The following MGAT4C variants were observed in gnomAD, a reference collection of about 807,000 sequenced individuals.
MGAT4C encodes the protein MGAT4 family member C, also known as alpha-1,3-mannosyl-glycoprotein 4-beta-N-acetylglucosaminyltransferase C.
Under a neutral mutation model 40.1 loss-of-function variants are expected in MGAT4C, and 19 were observed. The observed-to-expected ratio is 0.47, with a 90% CI of 0.33 to 0.70. The LOEUF is 0.70. Among genes scored for constraint, MGAT4C ranks in the 30% least tolerant of loss-of-function variants. The pLI is 0.02. For synonymous variants in MGAT4C, 181 were observed against 187.1 expected, an observed-to-expected ratio of 0.97 and a Z score of 0.27; for missense variants, 491 against 563.2, an observed-to-expected ratio of 0.87 and a Z score of 1.30.
intron 2 of MGAT4C, chr12:86,016,483 C>T (rs1334436420): frequency 6.6e-6 from 1 of 152,218 alleles, no homozygotes; most frequent in African/African-American, 2.4e-5. Flanking sequence ...GTTATCATCC[C>T]TGTGCCTGAA....
At chr12:86,790,571 G>C (rs1466884504) in intron 1 of MGAT4C, among the ~76,000 whole-genome samples, 1 of 152,000 alleles carries the variant, frequency 6.6e-6, no homozygotes, top group Non-Finnish European at 1.5e-5. Context: ...CACATATCTG[G>C]AACCAATCCT....
At chr12:86,411,390 C>A (rs1956602121) in intron 3 of MGAT4C, among the ~76,000 whole-genome samples, 1 of 152,132 alleles carries the variant, frequency 6.6e-6, no homozygotes, top group African/African-American at 2.4e-5. Context: ...AAATGAGAAA[C>A]TTATTGAAAA....
At chr12:86,328,564 A>G (rs1954580274) in intron 4 of MGAT4C, among the ~76,000 whole-genome samples, 1 of 152,172 alleles carries the variant, frequency 6.6e-6, no homozygotes, top group South Asian at 2.1e-4. Flanking sequence ...TACCATTTAT[A>G]ATAGCACCAA....
Position 85,976,669 on chromosome 12 carries a change from A to T in MGAT4C, c.*2620T>A, listed in dbSNP as rs1884009619. The T allele has an allele frequency of 6.8e-6, 1 of 146,596 alleles. No individual in the cohort carries two copies. The highest frequency in any genetic ancestry group is 1.5e-5 in the Non-Finnish European group (1 of 66,280). The allele number at this position is 146,596 out of a possible 1,614,324, so 9.1% of individuals were successfully genotyped here. A position where few individuals can be genotyped will look rare whatever the true frequency, so the allele number is the denominator to read the frequency against. On this transcript the variant is annotated 3_prime_UTR_variant, in exon 5 of 5. Transcript: ENST00000611864. Reference sequence around the variant, plus strand: ...AAATTATATATATATGTATATATATATTATATATATGTATATATGTATTAT... The same window carrying T: ...AAATTATATATATATGTATATATATTTTATATATATGTATATATGTATTAT...
At chr12:86,243,314 G>A (rs1031527831) in intron 1 of MGAT4C, among the ~76,000 whole-genome samples, 1 of 152,198 alleles carries the variant, frequency 6.6e-6, no homozygotes, top group African/African-American at 2.4e-5. Context: ...TGATTTGGCA[G>A]TGGCAGCTGA....
At chr12:86,103,589 A>C (rs556528361) in intron 1 of MGAT4C, among the ~76,000 whole-genome samples, 1 of 152,234 alleles carries the variant, frequency 6.6e-6, no homozygotes, top group African/African-American at 2.4e-5. Context: ...GTTTGTACCA[A>C]TTTGTTATGG....
intron 3 of MGAT4C, among the ~76,000 whole-genome samples, chr12:86,362,032 C>T (rs1437592107): frequency 2.0e-5 from 3 of 152,202 alleles, no homozygotes; most frequent in African/African-American, 7.2e-5. Context: ...AAGACACATG[C>T]ACACGTATAT....
intron 1 of MGAT4C, among the ~76,000 whole-genome samples, chr12:86,811,696 T>C (rs557815874): frequency 1.3e-5 from 2 of 151,666 alleles, no homozygotes; most frequent in South Asian, 2.1e-4. Flanking sequence ...ATTTCATTTC[T>C]CATATTGACA....
chr12:86,486,838 G>A (rs534559054), intron 2 of MGAT4C, among the ~76,000 whole-genome samples: 4 of 152,196 alleles, frequency 2.6e-5, no homozygotes, highest in South Asian at 4.1e-4. Context: ...GTGTTTTAAC[G>A]TCAGTCTGTT....
intron 2 of MGAT4C, among the ~76,000 whole-genome samples, chr12:86,693,340 T>C (rs1374465232): frequency 6.6e-6 from 1 of 152,214 alleles, no homozygotes; most frequent in Non-Finnish European, 1.5e-5. Flanking sequence ...TTATTTTTTC[T>C]CTAATAATAT....
intron 4 of MGAT4C, among the ~76,000 whole-genome samples, chr12:86,314,841 C>T (rs1363889675): frequency 3.9e-5 from 6 of 152,058 alleles, no homozygotes; most frequent in Non-Finnish European, 5.9e-5. Context: ...TGAAAGAAAT[C>T]ACAGGTTGCT....
chr12:86,602,151 T>G (rs1220355356), intron 2 of MGAT4C, among the ~76,000 whole-genome samples: 2 of 152,278 alleles, frequency 1.3e-5, no homozygotes, highest in African/African-American at 4.8e-5. Flanking sequence ...TCTCCCTTGC[T>G]GTTCCTCGCC....
chr12:86,429,554 C>G (rs1344641290), intron 3 of MGAT4C, among the ~76,000 whole-genome samples: 1 of 152,030 alleles, frequency 6.6e-6, no homozygotes, highest in Non-Finnish European at 1.5e-5. Context: ...TTATGGTTGT[C>G]ACGTTTTTTG....
At chr12:86,506,676 A>G (rs765727429) in intron 2 of MGAT4C, among the ~76,000 whole-genome samples, 7 of 152,174 alleles carry the variant, frequency 4.6e-5, no homozygotes, top group Non-Finnish European at 7.4e-5. Flanking sequence ...CAATAGCTTA[A>G]CCACATAGAT....
At chr12:86,356,625 A>C (rs1299813925) in intron 3 of MGAT4C, among the ~76,000 whole-genome samples, 2 of 152,142 alleles carry the variant, frequency 1.3e-5, no homozygotes, top group Admixed American at 1.3e-4. Flanking sequence ...CCCCACCCTA[A>C]TACTGGGCTT....
chr12:86,110,044 T>G (rs1763781652), intron 1 of MGAT4C, among the ~76,000 whole-genome samples: 1 of 150,900 alleles, frequency 6.6e-6, no homozygotes, highest in African/African-American at 2.4e-5. Context: ...CTGTAAAAGT[T>G]ATAACTTCAG....
intron 2 of MGAT4C, among the ~76,000 whole-genome samples, chr12:86,645,472 A>C (rs1243899980): frequency 1.3e-5 from 2 of 151,750 alleles, no homozygotes; most frequent in African/African-American, 4.8e-5. Context: ...CGGTGGTAAA[A>C]ATCAGTCACC....
At chr12:86,508,503 A>G (rs1238116894) in intron 2 of MGAT4C, among the ~76,000 whole-genome samples, 5 of 151,962 alleles carry the variant, frequency 3.3e-5, no homozygotes, top group South Asian at 2.1e-4. Flanking sequence ...ATTGTGAATA[A>G]TGCCGCAATA....
chr12:86,587,453 G>C (rs1346321963), intron 2 of MGAT4C, among the ~76,000 whole-genome samples: 2 of 152,012 alleles, frequency 1.3e-5, no homozygotes, highest in Admixed American at 6.6e-5. Context: ...GGTTCCATAT[G>C]AACTTTAAAG....
Sources: gnomAD v4.1 joint callset for allele counts (sites outside exome capture counted in the v4.1 genomes callset) on GRCh38, gnomAD v4.1.1 for gene constraint, MANE v1.5 for transcripts, NCBI Gene and HGNC (gene_info 2026-07-23, HGNC 2026-07-21) for gene names.